Variants in ECE1 observed in about 807,000 individuals in gnomAD.
The protein encoded by ECE1 is endothelin converting enzyme 1, also known as endothelin-converting enzyme 1.
In ECE1, 35 loss-of-function variants were observed where a neutral mutation model predicts 98.6. The ratio of observed to expected loss-of-function variants is 0.35; its 90% confidence interval spans 0.27 to 0.47. The LOEUF is 0.47. ECE1 is among the 20% of genes least tolerant of loss of function. The pLI, the probability that ECE1 is intolerant of heterozygous loss-of-function variation, is 1.00. For synonymous variants in ECE1, 394 were observed against 407.1 expected, an observed-to-expected ratio of 0.97 and a Z score of 0.39; for missense variants, 814 against 1,025.3, an observed-to-expected ratio of 0.79 and a Z score of 2.81.
At chr1:21,255,895 T>C in intron 8 of ECE1, 52 bp downstream of exon 8, 1 of 1,591,956 alleles carries the variant, frequency 6.3e-7, no homozygotes, top group South Asian at 1.1e-5. Flanking sequence ...CAGGGCCCTG[T>C]CTGAAACCTG....
intron 1 of ECE1, among the ~76,000 whole-genome samples, chr1:21,304,901 TACTG>T (rs1638564086): frequency 6.6e-6 from 1 of 152,186 alleles, no homozygotes; most frequent in South Asian, 2.1e-4. Context: ...GTGCTGAACA[TACTG>T]ACGACTGGGA....
In ECE1 at chr1:21,233,880, C is replaced by T. The variant is rs767139302; in HGVS notation, c.1567-219G>A. Among the ~76,000 whole-genome samples the T allele has an allele frequency of 1.2e-4, 18 of 152,118 alleles. No individual in the cohort carries two copies. The highest frequency in any genetic ancestry group is 2.2e-4 in the Non-Finnish European group (15 of 68,026). ...GGATGTGCCTACAGCAGTGCCTGGG[C>T]CCAGGCAAGAAATATCTCCCATGTT... On this transcript the variant is annotated intron_variant, in intron 13 of 18. Transcript: ENST00000374893. This position sits in a 1 kb window ranked among gnomAD's most constrained non-coding sequence, Gnocchi z 4.0.
intron 17 of ECE1, among the ~76,000 whole-genome samples, chr1:21,224,792 C>G (rs1032204447): frequency 2.0e-5 from 3 of 152,194 alleles, no homozygotes; most frequent in Non-Finnish European, 2.9e-5. Flanking sequence ...CAGGTAGTAG[C>G]TAATCAGAGC....
chr1:21,221,963 G>C, intron 17 of ECE1, 121 bp from the exon 18 acceptor site: 1 of 890,540 alleles, frequency 1.1e-6, no homozygotes, highest in South Asian at 1.3e-5. Context: ...TGGGGATCTG[G>C]GCCTGGGCTC....
At chr1:21,247,505 G>A (rs1174082076) in intron 8 of ECE1, 142 bp from the exon 9 acceptor site, 3 of 1,238,362 alleles carry the variant, frequency 2.4e-6, no homozygotes, top group African/African-American at 1.5e-5. Flanking sequence ...GAGTCAAGCG[G>A]AGCCTGGCGG....
intron 4 of ECE1, chr1:21,267,386 G>A (rs2098235174): frequency 6.6e-6 from 1 of 152,364 alleles, no homozygotes; most frequent in Non-Finnish European, 1.5e-5. Flanking sequence ...GGAAGGCAAG[G>A]AGGAGCAAGT....
chr1:21,304,291 G>A (rs1266836548), intron 1 of ECE1, among the ~76,000 whole-genome samples: 23 of 145,344 alleles, frequency 1.6e-4, no homozygotes, highest in Non-Finnish European at 3.1e-4. Context: ...ACTCCAGCCT[G>A]GGCAACAGAG....
intron 8 of ECE1, 56 bp downstream of exon 8, chr1:21,255,891 C>A: frequency 3.2e-6 from 5 of 1,579,648 alleles, no homozygotes; most frequent in Non-Finnish European, 3.5e-6. Flanking sequence ...AGTCCAGGGC[C>A]CTGTCTGAAA....
chr1:21,301,024 G>A (rs1638471455), intron 1 of ECE1, among the ~76,000 whole-genome samples: 1 of 138,204 alleles, frequency 7.2e-6, no homozygotes, highest in Admixed American at 6.8e-5. Context: ...CAAACCTGAA[G>A]AGGGTGTGTC....
intron 7 of ECE1, 147 bp from the exon 8 acceptor site, chr1:21,256,285 G>T: frequency 1.1e-6 from 1 of 919,084 alleles, no homozygotes; most frequent in Non-Finnish European, 1.6e-6. Context: ...GCCAGGTGTG[G>T]TGGCTCACGC....
chr1:21,254,028 C>G (rs557182246), intron 8 of ECE1, among the ~76,000 whole-genome samples: 1 of 144,292 alleles, frequency 6.9e-6, no homozygotes, highest in East Asian at 2.1e-4. Flanking sequence ...GAGATCATGC[C>G]ACTGCACTCC....
intron 8 of ECE1, among the ~76,000 whole-genome samples, chr1:21,251,841 G>T (rs1434981761): frequency 1.3e-5 from 2 of 152,138 alleles, no homozygotes; most frequent in African/African-American, 4.8e-5. Flanking sequence ...TCTTATACCT[G>T]CTTGCCCAAT....
chr1:21,233,041 C>A lies in ECE1; in HGVS notation c.1670+517G>T. On this transcript the variant is annotated intron_variant, in intron 14 of 18. Transcript: ENST00000374893. This position sits in a 1 kb window ranked among gnomAD's most constrained non-coding sequence, Gnocchi z 4.0. ...CTGATGTGCAGTGAGCTTTGGGAAG[C>A]ACAGCTGTCAAGCCCATCCAGAACC... The A allele has an allele frequency of 6.3e-6, 1 of 159,470 alleles. No individual in the cohort carries two copies. The highest frequency in any genetic ancestry group is 5.9e-5 in the Admixed American group (1 of 16,888). The allele number at this position is 159,470 out of a possible 1,614,324, so 9.9% of individuals were successfully genotyped here. A position where few individuals can be genotyped will look rare whatever the true frequency, so the allele number is the denominator to read the frequency against.
At chr1:21,310,333 C>T (rs1638690906) in intron 1 of ECE1, among the ~76,000 whole-genome samples, 1 of 152,074 alleles carries the variant, frequency 6.6e-6, no homozygotes. Context: ...TAGCTGAGAG[C>T]CCTAGAGAAA....
chr1:21,274,425 C>T (rs2098244128), intron 3 of ECE1, among the ~76,000 whole-genome samples: 1 of 152,210 alleles, frequency 6.6e-6, no homozygotes, highest in Non-Finnish European at 1.5e-5. Flanking sequence ...GCCAGTGGGG[C>T]TTTGGGCAAG....
At chr1:21,253,641 T>C (rs1161254584) in intron 8 of ECE1, among the ~76,000 whole-genome samples, 2 of 151,050 alleles carry the variant, frequency 1.3e-5, no homozygotes, top group Non-Finnish European at 2.9e-5. Flanking sequence ...CGGGTGCCTG[T>C]AGTCCCAGCT....
chr1:21,284,293 T>G (rs1225167650), intron 2 of ECE1, among the ~76,000 whole-genome samples: 1 of 152,092 alleles, frequency 6.6e-6, no homozygotes, highest in Non-Finnish European at 1.5e-5. Context: ...GGTAGGAGGA[T>G]TGGTGGCAGG....
chr1:21,227,871 T>C, intron 15 of ECE1, 60 bp downstream of exon 15: 4 of 1,374,586 alleles, frequency 2.9e-6, no homozygotes, highest in South Asian at 1.2e-5. Context: ...TTAGGTCGTA[T>C]GGGCCCCAGG....
intron 10 of ECE1, among the ~76,000 whole-genome samples, chr1:21,243,365 CT>C (rs1558380879): frequency 6.6e-6 from 1 of 151,198 alleles, no homozygotes; most frequent in Non-Finnish European, 1.5e-5. Context: ...AAGCTTGCTG[CT>C]TTCTTTTTTC....
Sources: allele counts gnomAD v4.1 joint callset (sites outside exome capture counted in the v4.1 genomes callset), GRCh38; gene constraint gnomAD v4.1.1; non-coding constraint Gnocchi (gnomAD v3.1); transcripts MANE v1.5; gene names NCBI Gene and HGNC (gene_info 2026-07-23, HGNC 2026-07-21).